Variants in GRM8 observed in about 807,000 individuals in gnomAD.
The protein encoded by GRM8 is glutamate metabotropic receptor 8.
Under a neutral mutation model 87.2 loss-of-function variants are expected in GRM8, and 47 were observed. The observed-to-expected ratio is 0.54, with a 90% CI of 0.43 to 0.69. GRM8 has a LOEUF of 0.69. Among genes scored for constraint, GRM8 ranks in the 30% least tolerant of loss-of-function variants. The pLI, the probability that GRM8 is intolerant of heterozygous loss-of-function variation, is 0.00. For missense variants in GRM8, 1,019 were observed against 1,139.2 expected (o/e 0.89, Z 1.52); for synonymous variants, 396 against 404.5 (o/e 0.98, Z 0.25).
intron 3 of GRM8, among the ~76,000 whole-genome samples, chr7:126,935,730 T>G (rs1448133646): frequency 6.6e-6 from 1 of 152,212 alleles, no homozygotes. Flanking sequence ...AGGAAATTGC[T>G]TATAGATGTC....
At chr7:127,114,529 C>A (rs1826583771) in intron 2 of GRM8, among the ~76,000 whole-genome samples, 1 of 152,042 alleles carries the variant, frequency 6.6e-6, no homozygotes, top group Admixed American at 6.6e-5. Flanking sequence ...AAGACCACAC[C>A]CCTCACCAGA....
intron 6 of GRM8, among the ~76,000 whole-genome samples, chr7:126,799,147 A>G (rs1339311717): frequency 5.3e-5 from 8 of 152,122 alleles, no homozygotes; most frequent in African/African-American, 1.9e-4. Context: ...AGCAGCATCA[A>G]CATCATCTGG....
At chr7:127,033,149 T>G (rs1355828175) in intron 3 of GRM8, among the ~76,000 whole-genome samples, 1 of 151,968 alleles carries the variant, frequency 6.6e-6, no homozygotes, top group Non-Finnish European at 1.5e-5. Context: ...TTTCCTCCAC[T>G]TAAAAATTAT....
chr7:127,226,757 C>T (rs996928079), intron 2 of GRM8, among the ~76,000 whole-genome samples: 1 of 152,234 alleles, frequency 6.6e-6, no homozygotes, highest in Non-Finnish European at 1.5e-5. Context: ...AGCTCCCAAA[C>T]CATTTGCCTG....
At chr7:126,654,197 C>T (rs1804251557) in intron 7 of GRM8, among the ~76,000 whole-genome samples, 1 of 152,182 alleles carries the variant, frequency 6.6e-6, no homozygotes, top group African/African-American at 2.4e-5. Flanking sequence ...ATTTTTCAGA[C>T]CAACTCATGG....
intron 3 of GRM8, among the ~76,000 whole-genome samples, chr7:127,059,339 T>G (rs1367185366): frequency 2.7e-5 from 4 of 148,186 alleles, no homozygotes; most frequent in Admixed American, 6.7e-5. Flanking sequence ...TGCTTTTTTT[T>G]TTTTTTGTTT....
intron 2 of GRM8, among the ~76,000 whole-genome samples, chr7:127,202,317 A>G (rs1795658877): frequency 6.6e-6 from 1 of 152,100 alleles, no homozygotes; most frequent in East Asian, 1.9e-4. Context: ...AGCTGGGATT[A>G]CCTGCGTGTG....
chr7:126,884,401 A>G (rs1800298896), intron 6 of GRM8, among the ~76,000 whole-genome samples: 1 of 152,196 alleles, frequency 6.6e-6, no homozygotes, highest in South Asian at 2.1e-4. Context: ...AAACAGCCAC[A>G]TATTTTTTCA....
At chr7:126,667,109 GA>G in intron 7 of GRM8, among the ~76,000 whole-genome samples, 1 of 152,118 alleles carries the variant, frequency 6.6e-6, no homozygotes, top group Non-Finnish European at 1.5e-5. Flanking sequence ...CTATATGTCA[GA>G]CACTGTCCTA....
rs80108544 is a variant in GRM8, at chr7:126,512,608, A to G, written c.2430+20344T>C. 8.5e-3 allele frequency: 1,294 copies of G among 152,236 alleles called. 13 individuals are homozygous for G. The highest frequency in any genetic ancestry group is 0.015 in the Non-Finnish European group (1,021 of 68,052). The allele number at this position is 152,236 out of a possible 1,614,324, so 9.4% of individuals were successfully genotyped here. ...GGATACAAACTCCACAGACATCATAATCTACAGCTGAAACACAGGTATAAG... is the reference window on the plus strand; with the variant it reads ...GGATACAAACTCCACAGACATCATAGTCTACAGCTGAAACACAGGTATAAG... On this transcript the variant is annotated intron_variant, in intron 9 of 10. Transcript: ENST00000339582.
chr7:126,983,237 T>C (rs1811719618), intron 3 of GRM8, among the ~76,000 whole-genome samples: 2 of 152,166 alleles, frequency 1.3e-5, no homozygotes, highest in South Asian at 4.1e-4. Context: ...AAAATTTTGC[T>C]AGTGGGTCAC....
At chr7:126,851,984 C>A (rs1797255752) in intron 6 of GRM8, among the ~76,000 whole-genome samples, 1 of 152,080 alleles carries the variant, frequency 6.6e-6, no homozygotes. Context: ...TATTGCCATG[C>A]CAGAGAGAGT....
chr7:127,182,632 GGTGTGTGTGTGTGTGTGT>G (rs35530710), intron 2 of GRM8, among the ~76,000 whole-genome samples: 28,978 of 141,800 alleles, frequency 0.2, 3,237 homozygotes, highest in Middle Eastern at 0.28. Context: ...AAGAAAGTGT[GGTGTGTGTGTGTGTGTGT>G]GTGTGTGTGT....
intron 3 of GRM8, among the ~76,000 whole-genome samples, chr7:126,974,048 G>A (rs1810703375): frequency 6.6e-6 from 1 of 152,172 alleles, no homozygotes; most frequent in Non-Finnish European, 1.5e-5. Context: ...ACTGCCTTCT[G>A]ATCATTCAAC....
At chr7:126,928,562 C>T (rs953103481) in intron 3 of GRM8, among the ~76,000 whole-genome samples, 1 of 151,586 alleles carries the variant, frequency 6.6e-6, no homozygotes, top group African/African-American at 2.4e-5. Flanking sequence ...GTACCAGACA[C>T]TTGGGGGGCT....
chr7:127,028,941 T>C (rs1325355151), intron 3 of GRM8, among the ~76,000 whole-genome samples: 1 of 152,214 alleles, frequency 6.6e-6, no homozygotes, highest in East Asian at 1.9e-4. Context: ...GTGTCAATTT[T>C]AGATCTTTCC....
intron 2 of GRM8, among the ~76,000 whole-genome samples, chr7:127,159,773 C>A (rs984152687): frequency 6.6e-6 from 1 of 151,648 alleles, no homozygotes; most frequent in Non-Finnish European, 1.5e-5. Context: ...ATTTAAATGG[C>A]AAATAAACCA....
chr7:126,440,260 A>C (rs943775687), intron 10 of GRM8, among the ~76,000 whole-genome samples: 1 of 151,716 alleles, frequency 6.6e-6, no homozygotes, highest in African/African-American at 2.4e-5. Flanking sequence ...AAAAATACAA[A>C]AATTAGCCGA....
chr7:127,102,403 C>T (rs1161717913), intron 3 of GRM8, among the ~76,000 whole-genome samples: 1 of 152,182 alleles, frequency 6.6e-6, no homozygotes, highest in African/African-American at 2.4e-5. Context: ...TCCTCCATGG[C>T]ATTTCAAAGA....
Sources: gnomAD v4.1 joint callset for allele counts (sites outside exome capture counted in the v4.1 genomes callset) on GRCh38, gnomAD v4.1.1 for gene constraint, MANE v1.5 for transcripts, NCBI Gene and HGNC (gene_info 2026-07-23, HGNC 2026-07-21) for gene names.